Variants in IFT81 observed in about 807,000 individuals in gnomAD.
IFT81 encodes the protein intraflagellar transport 81, also known as intraflagellar transport protein 81 homolog.
A neutral mutation model predicts 102.6 loss-of-function variants in IFT81; 72 were observed. The ratio of observed to expected loss-of-function variants is 0.70; its 90% CI spans 0.58 to 0.85. The LOEUF (loss-of-function observed/expected upper bound fraction) is 0.85, where lower values mean the gene tolerates loss of function less well. Among genes scored for constraint, IFT81 ranks in the 40% least tolerant of loss-of-function variants. IFT81 has a pLI of 0.00. For synonymous variants in IFT81, 237 were observed against 242.7 expected, an observed-to-expected ratio of 0.98 and a Z score of 0.22; for missense variants, 723 against 787.3, an observed-to-expected ratio of 0.92 and a Z score of 0.98.
At chr12:110,149,623 C>T (rs1218881426) in intron 10 of IFT81, among the ~76,000 whole-genome samples, 1 of 152,066 alleles carries the variant, frequency 6.6e-6, no homozygotes, top group Non-Finnish European at 1.5e-5. Context: ...TAGGGGAGCC[C>T]GAAGGGAGAT....
Position 110,128,248 on chromosome 12 carries a change from T to C in IFT81, c.248+99T>C. 12 of 718,148 alleles carry C rather than the reference T, an allele frequency of 1.7e-5. No individual in the cohort carries two copies. The South Asian group carries it at 2.0e-4, about 12-fold the overall frequency. 44.5% of individuals were successfully genotyped at this position (718,148 alleles called of 1,614,324 possible). A position where few individuals can be genotyped will look rare whatever the true frequency, so the allele number is the denominator to read the frequency against. On this transcript the variant is annotated intron_variant, in intron 3 of 18. Transcript: ENST00000242591. ...CTTTGTAGGTAATACCTGGTTTCCC[T>C]CATTTGATGGCCTGAGAACATCACT...
chr12:110,149,185 T>G (rs1327450462), intron 10 of IFT81, among the ~76,000 whole-genome samples: 1 of 152,210 alleles, frequency 6.6e-6, no homozygotes. Context: ...AGACCTGGAA[T>G]TAGGCTTTCT....
chr12:110,127,306 C>T (rs375432200), intron 1 of IFT81, 54 bp from the exon 2 acceptor site: 306 of 1,365,494 alleles, frequency 2.2e-4, no homozygotes, highest in Non-Finnish European at 2.8e-4. Context: ...TGGTTTTTAC[C>T]CAGGACTTTT....
At chr12:110,190,849 A>T (rs1897761538) in intron 12 of IFT81, 71 bp from the exon 13 acceptor site, 1 of 1,381,174 alleles carries the variant, frequency 7.2e-7, no homozygotes, top group East Asian at 2.6e-5. Flanking sequence ...TATGTATGAA[A>T]TTTGTACATT....
At chr12:110,163,318 G>T (rs1203378675) in intron 11 of IFT81, among the ~76,000 whole-genome samples, 1 of 151,682 alleles carries the variant, frequency 6.6e-6, no homozygotes, top group Non-Finnish European at 1.5e-5. Flanking sequence ...TCTGCTCACT[G>T]CAACCTCCGC....
At chr12:110,195,667 A>G (rs543432787) in intron 14 of IFT81, among the ~76,000 whole-genome samples, 3 of 152,210 alleles carry the variant, frequency 2.0e-5, no homozygotes, top group African/African-American at 7.2e-5. Context: ...TAGACCTGTA[A>G]TTATTAGATC....
chr12:110,138,993 T>A (rs1894683134), intron 8 of IFT81, among the ~76,000 whole-genome samples: 1 of 152,142 alleles, frequency 6.6e-6, no homozygotes, highest in Admixed American at 6.6e-5. Flanking sequence ...TGATGGAAAC[T>A]TGGTTTTTAT....
chr12:110,168,483 C>A, intron 11 of IFT81: 1 of 965,932 alleles, frequency 1.0e-6, no homozygotes, highest in Non-Finnish European at 1.2e-6. Context: ...CTGTTACTAA[C>A]GCAGCTTTAA....
chr12:110,171,196 G>GTA (rs1896708907), intron 11 of IFT81, among the ~76,000 whole-genome samples: 1 of 151,866 alleles, frequency 6.6e-6, no homozygotes, highest in African/African-American at 2.4e-5. Context: ...TAATAGAAGT[G>GTA]TAGTGTATTA....
At chr12:110,144,577 C>G (rs145726788) in intron 9 of IFT81, among the ~76,000 whole-genome samples, 1 of 151,638 alleles carries the variant, frequency 6.6e-6, no homozygotes, top group African/African-American at 2.4e-5. Flanking sequence ...GTGGTGAGAT[C>G]TCAGCTCCCT....
chr12:110,192,618 TG>T lies in IFT81; in HGVS notation c.1470del (p.Lys492AsnfsTer17). On this transcript the variant is annotated frameshift_variant and splice_region_variant, in exon 14 of 19. Coordinates refer to ENST00000242591, the MANE Select transcript of IFT81 (RefSeq NM_014055.4). LOFTEE classifies it high-confidence loss of function. The stretch of plus-strand genomic sequence containing the variant: ...TTATATTTTTTGTTCAAATAACAGG[TG>T]AAAAAACTGTATTCATTGGTATCTG... The part of the protein sequence containing the change: ...GRTLDDMSEM[V>X]KKLYSLVSEK... 6.5e-7 allele frequency: 1 copy of T among 1,530,388 alleles called. No homozygotes were observed. The highest frequency in any genetic ancestry group is 1.2e-5 in the South Asian group (1 of 80,570). The allele number at this position is 1,530,388 out of a possible 1,614,324, so 94.8% of individuals were successfully genotyped here.
Position 110,205,433 on chromosome 12 carries a change from T to C in IFT81, c.1645-10T>C, listed in dbSNP as rs771198208. 5 of 1,579,222 alleles carry C rather than the reference T, an allele frequency of 3.2e-6. No individual in the cohort carries two copies. The Admixed American group carries it at 5.9e-5, about 19-fold the overall frequency. On this transcript the variant is annotated splice_polypyrimidine_tract_variant and intron_variant, in intron 15 of 18. Transcript: ENST00000242591. ...CGATAATGTCACCTATCTAAAATTA[T>C]ATATTATAGGAAGTTAGAAGACTCC...
chr12:110,149,013 A>G (rs997637811), intron 10 of IFT81, among the ~76,000 whole-genome samples: 1 of 152,122 alleles, frequency 6.6e-6, no homozygotes, highest in African/African-American at 2.4e-5. Context: ...TAAGTTTTAA[A>G]CAGTATCCTT....
chr12:110,198,812 CTT>C (rs200267159), intron 14 of IFT81, among the ~76,000 whole-genome samples: 2 of 141,804 alleles, frequency 1.4e-5, no homozygotes, highest in Admixed American at 7.1e-5. Context: ...TTCTTTCTTT[CTT>C]TTTTTTTTTT....
intron 12 of IFT81, among the ~76,000 whole-genome samples, chr12:110,184,378 TA>T (rs1300449097): frequency 2.0e-5 from 3 of 151,924 alleles, no homozygotes; most frequent in African/African-American, 7.2e-5. Context: ...AATTACAAAT[TA>T]ATGGATTTGA....
At chr12:110,211,060 C>T (rs188930023) in intron 18 of IFT81, among the ~76,000 whole-genome samples, 31 of 147,204 alleles carry the variant, frequency 2.1e-4, no homozygotes, top group African/African-American at 7.0e-4. Flanking sequence ...GACGGGGTTT[C>T]GCCATATTGC....
rs145868284 is a variant in IFT81, at chr12:110,149,912, C to T, written c.1041+2864C>T. 3.4e-4 allele frequency among the ~76,000 whole-genome samples: 52 copies of T among 152,140 alleles called. 1 individual carries two copies. In the East Asian group the frequency reaches 9.5e-3, roughly 28 times the overall value. ...GGGGCATGGCAGACCAGGGTGGTCT[C>T]GGGAAATGCAACATTTGGGCATGAA... is the stretch of plus-strand genomic sequence containing the variant. On this transcript the variant is annotated intron_variant, in intron 10 of 18. Coordinates refer to ENST00000242591, the MANE Select transcript of IFT81 (RefSeq NM_014055.4).
intron 18 of IFT81, among the ~76,000 whole-genome samples, chr12:110,215,495 C>T (rs1869986663): frequency 9.4e-6 from 1 of 106,334 alleles, no homozygotes; most frequent in Non-Finnish European, 1.7e-5. Context: ...GACAGTCTCA[C>T]TCGTCACCTG....
rs765315235 is a variant in IFT81, at chr12:110,128,195, A to G, written c.248+46A>G. ...TGAGTTTTTAAAATTATGCTTTAAT[A>G]TCCAAACCTTCATATACTGCAATCA... is the stretch of plus-strand genomic sequence containing the variant. On this transcript the variant is annotated intron_variant, in intron 3 of 18. Coordinates refer to ENST00000242591, the MANE Select transcript of IFT81 (RefSeq NM_014055.4). 1.1e-5 allele frequency: 13 copies of G among 1,202,858 alleles called. No individual in the cohort carries two copies. In the South Asian group the frequency reaches 1.5e-4, roughly 14 times the overall value. The allele number at this position is 1,202,858 out of a possible 1,614,324, so 74.5% of individuals were successfully genotyped here. A position where few individuals can be genotyped will look rare whatever the true frequency, so the allele number is the denominator to read the frequency against.
Sources: gnomAD v4.1 joint callset for allele counts (sites outside exome capture counted in the v4.1 genomes callset) on GRCh38, gnomAD v4.1.1 for gene constraint, MANE v1.5 for transcripts, NCBI Gene and HGNC (gene_info 2026-07-23, HGNC 2026-07-21) for gene names.